Variants in TTC27 observed in about 807,000 individuals in gnomAD.
TTC27 encodes tetratricopeptide repeat domain 27.
TTC27 carries 79 observed loss-of-function variants against 115.9 expected under a neutral mutation model. The ratio of observed to expected loss-of-function variants is 0.68; its 90% CI spans 0.57 to 0.82. TTC27 has a LOEUF of 0.82. Among genes scored for constraint, TTC27 ranks in the 40% least tolerant of loss-of-function variants. The pLI is 0.00. For synonymous variants in TTC27, 401 were observed against 356.0 expected (o/e 1.13, Z -1.42); for missense variants, 1,054 against 993.1 (o/e 1.06, Z -0.82).
chr2:32,707,738 A>G (rs1667427241), intron 10 of TTC27, among the ~76,000 whole-genome samples: 1 of 152,198 alleles, frequency 6.6e-6, no homozygotes. Flanking sequence ...CTTAGGTTTT[A>G]TATATTCCAT....
chr2:32,628,751 T>TTATC (rs1224882552), intron 1 of TTC27, among the ~76,000 whole-genome samples: 3 of 125,520 alleles, frequency 2.4e-5, no homozygotes, highest in Non-Finnish European at 5.4e-5. Context: ...ATTTATTTAT[T>TTATC]TATTTATTTA....
At chr2:32,642,686 A>G (rs956754538) in intron 4 of TTC27, among the ~76,000 whole-genome samples, 16 of 150,596 alleles carry the variant, frequency 1.1e-4, no homozygotes, top group African/African-American at 3.7e-4. Flanking sequence ...TTTTTTTTTT[A>G]AGACAGGCTC....
chr2:32,754,640 A>G (rs1452745382), intron 12 of TTC27, among the ~76,000 whole-genome samples: 5 of 150,946 alleles, frequency 3.3e-5, no homozygotes, highest in African/African-American at 7.3e-5. Context: ...ATCATGGCCC[A>G]TTCTCAATGA....
At chr2:32,662,957 G>A (rs1665608590) in intron 5 of TTC27, among the ~76,000 whole-genome samples, 1 of 152,128 alleles carries the variant, frequency 6.6e-6, no homozygotes, top group Non-Finnish European at 1.5e-5. Context: ...GCTGTGTCCA[G>A]AGATTCTTTG....
intron 12 of TTC27, 79 bp downstream of exon 12, chr2:32,736,895 C>T (rs1009929944): frequency 2.0e-6 from 3 of 1,504,310 alleles, no homozygotes; most frequent in Non-Finnish European, 2.7e-6. Flanking sequence ...GTTTTTCAAA[C>T]CCACTTTTGC....
At chr2:32,665,806 G>T (rs1027995038) in intron 6 of TTC27, among the ~76,000 whole-genome samples, 2 of 152,164 alleles carry the variant, frequency 1.3e-5, no homozygotes, top group Admixed American at 1.3e-4. Flanking sequence ...CAGGAGATTT[G>T]CTTGAACCAG....
intron 18 of TTC27, among the ~76,000 whole-genome samples, chr2:32,812,858 A>G (rs1221213022): frequency 6.6e-6 from 1 of 152,214 alleles, no homozygotes; most frequent in Non-Finnish European, 1.5e-5. Flanking sequence ...CAGAAATTGG[A>G]AACTTTTTTA....
At chr2:32,690,648 G>C (rs1187353294) in intron 9 of TTC27, among the ~76,000 whole-genome samples, 1 of 152,168 alleles carries the variant, frequency 6.6e-6, no homozygotes, top group Non-Finnish European at 1.5e-5. Context: ...AGTTGTATTT[G>C]GGTCCTTTTG....
intron 12 of TTC27, among the ~76,000 whole-genome samples, chr2:32,747,502 A>G (rs1351673271): frequency 6.6e-6 from 1 of 152,232 alleles, no homozygotes; most frequent in East Asian, 1.9e-4. Context: ...TAAAGTGAAA[A>G]GCAGAATGAT....
At chr2:32,803,184 A>G (rs150542942) in intron 16 of TTC27, among the ~76,000 whole-genome samples, 26 of 152,284 alleles carry the variant, frequency 1.7e-4, no homozygotes, top group African/African-American at 6.0e-4. Context: ...TTCACTAGAC[A>G]TTGCTCTTTT....
intron 9 of TTC27, among the ~76,000 whole-genome samples, chr2:32,696,671 A>G (rs1666999766): frequency 6.6e-6 from 1 of 152,204 alleles, no homozygotes; most frequent in South Asian, 2.1e-4. Flanking sequence ...TAATGCTGCC[A>G]TGAATATTGG....
chr2:32,705,974 C>A (rs1667352439), intron 10 of TTC27, among the ~76,000 whole-genome samples: 1 of 150,542 alleles, frequency 6.6e-6, no homozygotes, highest in African/African-American at 2.4e-5. Flanking sequence ...TTTCTCTTCT[C>A]ATTTATTTTT....
chr2:32,763,948 A>T (rs2147999987), intron 13 of TTC27, among the ~76,000 whole-genome samples: 1 of 152,266 alleles, frequency 6.6e-6, no homozygotes, highest in Non-Finnish European at 1.5e-5. Flanking sequence ...TAAAATATAC[A>T]TTCTTATTCC....
chr2:32,811,579 G>A (rs1671318535), intron 17 of TTC27, among the ~76,000 whole-genome samples: 1 of 152,128 alleles, frequency 6.6e-6, no homozygotes, highest in Non-Finnish European at 1.5e-5. Flanking sequence ...TGGGTACAAG[G>A]AGAGAAGGAG....
At chr2:32,644,263 T>C (rs1309135638) in intron 4 of TTC27, among the ~76,000 whole-genome samples, 2 of 149,224 alleles carry the variant, frequency 1.3e-5, no homozygotes, top group African/African-American at 2.5e-5. Flanking sequence ...GAGGCAGGAA[T>C]ATTGCTTGAA....
At chr2:32,708,391 A>G (rs1667459052) in intron 10 of TTC27, among the ~76,000 whole-genome samples, 2 of 138,794 alleles carry the variant, frequency 1.4e-5, no homozygotes. Flanking sequence ...GGCTCACTAC[A>G]TTCTCCGCCT....
intron 10 of TTC27, among the ~76,000 whole-genome samples, chr2:32,722,368 G>A (rs1667960963): frequency 6.6e-6 from 1 of 152,172 alleles, no homozygotes; most frequent in South Asian, 2.1e-4. Flanking sequence ...TTATTTGTTG[G>A]AATAATTATA....
At chr2:32,739,428 C>T (rs1668552632) in intron 12 of TTC27, among the ~76,000 whole-genome samples, 1 of 151,892 alleles carries the variant, frequency 6.6e-6, no homozygotes, top group Non-Finnish European at 1.5e-5. Flanking sequence ...TGAATCCATC[C>T]CCTTCAGAGA....
At chr2:32,766,255 G>C (rs182144094) in intron 13 of TTC27, among the ~76,000 whole-genome samples, 87 of 152,098 alleles carry the variant, frequency 5.7e-4, no homozygotes, top group Admixed American at 5.4e-3. Context: ...ATCAAATCAG[G>C]GTATTTAGCA....
Sources: allele counts gnomAD v4.1 joint callset (sites outside exome capture counted in the v4.1 genomes callset), GRCh38; gene constraint gnomAD v4.1.1; transcripts MANE v1.5; gene names NCBI Gene and HGNC (gene_info 2026-07-23, HGNC 2026-07-21).